CUL4A: variants seen among roughly 807,000 people sequenced by gnomAD.
The protein encoded by CUL4A is cullin 4A.
CUL4A carries 16 observed loss-of-function variants against 95.5 expected under a neutral mutation model. That is an observed-to-expected ratio of 0.17 (90% CI 0.11 to 0.25). The LOEUF (loss-of-function observed/expected upper bound fraction) is 0.25. Among genes scored for constraint, CUL4A ranks in the 10% least tolerant of loss-of-function variants. The pLI, the probability that CUL4A is intolerant of heterozygous loss-of-function variation, is 1.00. For synonymous variants in CUL4A, 380 were observed against 353.1 expected (o/e 1.08, Z -0.85); for missense variants, 610 against 937.0 (o/e 0.65, Z 4.56).
chr13:113,262,380 A>C (rs1474386768), intron 19 of CUL4A, among the ~76,000 whole-genome samples: 1 of 152,170 alleles, frequency 6.6e-6, no homozygotes, highest in Non-Finnish European at 1.5e-5. Context: ...GGCCAGGCGC[A>C]CTGCCTCACG....
At chr13:113,215,715 T>C (rs909514876) in intron 2 of CUL4A, among the ~76,000 whole-genome samples, 1 of 148,586 alleles carries the variant, frequency 6.7e-6, no homozygotes, top group Non-Finnish European at 1.5e-5. Context: ...TGGAGGTCGC[T>C]GTGTGGCTAT....
In CUL4A at chr13:113,246,174, A is replaced by G; in HGVS notation, c.1638+111A>G. On this transcript the variant is annotated intron_variant, in intron 15 of 19. Transcript: ENST00000375440. ...GGGAGTTTTTAAAAATAGCCCACTC[A>G]GTCCAAAATCAAAGTGCTCTTATGG... 3 of 765,494 alleles carry G rather than the reference A, an allele frequency of 3.9e-6. No individual in the cohort carries two copies. In the South Asian group the frequency reaches 5.3e-5, roughly 14 times the overall value. The allele number at this position is 765,494 out of a possible 1,614,324, so 47.4% of individuals were successfully genotyped here.
At chr13:113,250,265 G>A (rs1349435451) in intron 15 of CUL4A, among the ~76,000 whole-genome samples, 1 of 152,018 alleles carries the variant, frequency 6.6e-6, no homozygotes, top group Admixed American at 6.6e-5. Flanking sequence ...CAGCCTAGAC[G>A]ACATGGTAAA....
intron 2 of CUL4A, among the ~76,000 whole-genome samples, chr13:113,212,243 A>G (rs558783650): frequency 6.6e-6 from 1 of 152,190 alleles, no homozygotes; most frequent in African/African-American, 2.4e-5. Flanking sequence ...CTTTCTGCCT[A>G]GTCTTCAACT....
chr13:113,246,755 T>C lies in CUL4A; in HGVS notation c.1638+692T>C, dbSNP rs574952149. Among the ~76,000 whole-genome samples, 8 of 152,178 alleles carry C rather than the reference T, an allele frequency of 5.3e-5. No homozygotes were observed. In the South Asian group the frequency reaches 1.5e-3, roughly 28 times the overall value. On this transcript the variant is annotated intron_variant, in intron 15 of 19. Transcript: ENST00000375440. ...AATGCTCCTTTAACAAAAGACAAAT[T>C]AGGAGGAGAAAACCTTAACAAATTT...
intron 2 of CUL4A, among the ~76,000 whole-genome samples, chr13:113,217,504 C>T (rs1005165055): frequency 3.3e-5 from 5 of 152,080 alleles, no homozygotes; most frequent in Admixed American, 6.5e-5. Flanking sequence ...TATTCCACAT[C>T]CTCTTTTGAT....
At chr13:113,226,129 CTTTCTT>C (rs148590946) in intron 3 of CUL4A, among the ~76,000 whole-genome samples, 1,554 of 152,318 alleles carry the variant, frequency 0.01, 32 homozygotes, top group African/African-American at 0.035. Flanking sequence ...CCCTGGCACT[CTTTCTT>C]TGTCAGGCCA....
upstream of CUL4A, chr13:113,208,818 T>G (rs986073059): frequency 7.1e-7 from 1 of 1,406,560 alleles, no homozygotes; most frequent in Non-Finnish European, 9.2e-7. Flanking sequence ...GGGCCCGGGG[T>G]CTTTCTGCCG....
chr13:113,211,018 A>G (rs537820861), intron 2 of CUL4A, among the ~76,000 whole-genome samples: 82 of 152,320 alleles, frequency 5.4e-4, no homozygotes, highest in Non-Finnish European at 1.5e-5. Flanking sequence ...GTTTTAACAG[A>G]TGCATGCAGT....
upstream of CUL4A, chr13:113,208,733 GC>G (rs2040167366): frequency 6.7e-7 from 1 of 1,490,476 alleles, no homozygotes; most frequent in African/African-American, 1.4e-5. Flanking sequence ...GGCGCCCCCG[GC>G]CCCGCCGCGG....
intron 3 of CUL4A, among the ~76,000 whole-genome samples, chr13:113,220,700 A>G (rs1482633044): frequency 6.6e-6 from 1 of 152,152 alleles, no homozygotes; most frequent in Non-Finnish European, 1.5e-5. Flanking sequence ...GATCAAATGA[A>G]TCTTTTGCCA....
chr13:113,232,229 T>C (rs1199634415), intron 5 of CUL4A, among the ~76,000 whole-genome samples: 46 of 2,580 alleles, frequency 0.018, 12 homozygotes, highest in African/African-American at 0.027. Flanking sequence ...CTGCCACCAC[T>C]ACCCGCCCAC....
At chr13:113,243,997 C>T (rs1296399507) in intron 11 of CUL4A, among the ~76,000 whole-genome samples, 4 of 151,230 alleles carry the variant, frequency 2.6e-5, no homozygotes, top group East Asian at 2.0e-4. Context: ...TTTCACCCTG[C>T]GTTGCCACCT....
At chr13:113,235,708 G>C (rs9549706) in intron 8 of CUL4A, among the ~76,000 whole-genome samples, 32,734 of 151,904 alleles carry the variant, frequency 0.22, 4,048 homozygotes, top group South Asian at 0.44. Context: ...CGGTGGCTCA[G>C]GCCTGTAATC....
At chr13:113,246,720 G>A (rs145032703) in intron 15 of CUL4A, among the ~76,000 whole-genome samples, 16 of 152,230 alleles carry the variant, frequency 1.1e-4, no homozygotes, top group Admixed American at 2.0e-4. Flanking sequence ...CCATCATGAG[G>A]GTCATGGCCA....
intron 9 of CUL4A, among the ~76,000 whole-genome samples, chr13:113,237,888 A>T (rs1270798529): frequency 6.6e-6 from 1 of 152,160 alleles, no homozygotes; most frequent in Non-Finnish European, 1.5e-5. Flanking sequence ...GTTACAAACA[A>T]CTCCACTTGA....
At position 113,236,870 on chromosome 13, in the gene CUL4A, T is replaced by C; in HGVS notation, c.896T>C (p.Leu299Ser). The C allele has an allele frequency of 6.2e-7, 1 of 1,611,666 alleles. No individual in the cohort carries two copies. The highest frequency in any genetic ancestry group is 8.5e-7 in the Non-Finnish European group (1 of 1,178,338). Reference protein sequence around the residue: ...CVEKQLLGEHLTAILQKGLDH... With the variant: ...CVEKQLLGEHSTAILQKGLDH... ...GAGAAACAGCTATTAGGAGAACATT[T>C]AACAGCAATTCTGCAGAAAGGTAGA... Residue 299 changes from leucine (L) to serine (S), a missense_variant, in exon 9 of 20, where the codon TTA becomes TCA. Coordinates refer to ENST00000375440, the MANE Select transcript of CUL4A (RefSeq NM_001008895.4).
intron 5 of CUL4A, among the ~76,000 whole-genome samples, chr13:113,230,772 T>C (rs893033654): frequency 6.2e-5 from 9 of 144,844 alleles, no homozygotes; most frequent in Admixed American, 5.0e-4. Context: ...TTATTATTAT[T>C]ATTATTATTA....
intron 15 of CUL4A, among the ~76,000 whole-genome samples, chr13:113,250,707 AAAAG>A (rs761168684): frequency 2.6e-5 from 4 of 152,302 alleles, no homozygotes; most frequent in African/African-American, 9.6e-5. Context: ...TCTCAAGGCA[AAAAG>A]AAAGAAGAGG....
Sources: allele counts gnomAD v4.1 joint callset (sites outside exome capture counted in the v4.1 genomes callset), GRCh38; gene constraint gnomAD v4.1.1; transcripts MANE v1.5; gene names NCBI Gene and HGNC (gene_info 2026-07-23, HGNC 2026-07-21).